PIGU: variants seen among roughly 807,000 people sequenced by gnomAD.
The protein encoded by PIGU is GPI-anchor transamidase component PIGU.
Under a neutral mutation model 49.9 loss-of-function variants are expected in PIGU, and 24 were observed. The ratio of observed to expected loss-of-function variants is 0.48; its 90% CI spans 0.35 to 0.68. The LOEUF is 0.68. Among genes scored for constraint, PIGU ranks in the 30% least tolerant of loss-of-function variants. The pLI is 0.01. For missense variants in PIGU, 490 were observed against 532.6 expected (o/e 0.92, Z 0.79); for synonymous variants, 220 against 205.7 (o/e 1.07, Z -0.59).
At chr20:34,575,929 A>AGGCT (rs1983213005) in intron 10 of PIGU, among the ~76,000 whole-genome samples, 1 of 152,224 alleles carries the variant, frequency 6.6e-6, no homozygotes. Flanking sequence ...AGAGGCAGAC[A>AGGCT]GGCTGGCTGG....
At chr20:34,616,806 C>A (rs969844176) in intron 6 of PIGU, among the ~76,000 whole-genome samples, 2 of 151,870 alleles carry the variant, frequency 1.3e-5, no homozygotes, top group Admixed American at 6.6e-5. Flanking sequence ...AAAAAATGCA[C>A]AAACATTTTT....
At chr20:34,625,779 G>A (rs1323150335) in intron 6 of PIGU, among the ~76,000 whole-genome samples, 3 of 150,808 alleles carry the variant, frequency 2.0e-5, no homozygotes, top group Admixed American at 2.0e-4. Context: ...GCATGGTGGT[G>A]CATGCCTGTC....
chr20:34,616,003 T>C (rs1389476715), intron 7 of PIGU, 39 bp downstream of exon 7: 2 of 1,578,334 alleles, frequency 1.3e-6, no homozygotes, highest in South Asian at 1.2e-5. Context: ...ATGTATTAAA[T>C]GTCACTTGGG....
intron 7 of PIGU, among the ~76,000 whole-genome samples, chr20:34,595,223 G>C (rs1228766316): frequency 2.6e-5 from 4 of 151,968 alleles, no homozygotes; most frequent in Non-Finnish European, 5.9e-5. Context: ...CCATATCCAT[G>C]GGTTCCACAT....
At chr20:34,567,147 G>A (rs556545589) in intron 11 of PIGU, among the ~76,000 whole-genome samples, 1 of 152,344 alleles carries the variant, frequency 6.6e-6, no homozygotes, top group East Asian at 1.9e-4. Context: ...CGTCACAGTT[G>A]GCAAAGTGCA....
At chr20:34,609,009 G>T (rs1984715657) in intron 7 of PIGU, among the ~76,000 whole-genome samples, 1 of 152,162 alleles carries the variant, frequency 6.6e-6, no homozygotes, top group African/African-American at 2.4e-5. Flanking sequence ...TAGGCTGGTT[G>T]TGGTGGCTCA....
intron 7 of PIGU, among the ~76,000 whole-genome samples, chr20:34,612,378 G>A (rs1984848178): frequency 6.6e-6 from 1 of 152,072 alleles, no homozygotes; most frequent in South Asian, 2.1e-4. Context: ...AGGTGTGGGA[G>A]AGCGTTAGGA....
chr20:34,573,507 A>C (rs1983098125), intron 11 of PIGU, among the ~76,000 whole-genome samples: 1 of 152,342 alleles, frequency 6.6e-6, no homozygotes, highest in Non-Finnish European at 1.5e-5. Context: ...TAATCACTGC[A>C]ACTGTATTTC....
intron 2 of PIGU, among the ~76,000 whole-genome samples, chr20:34,649,113 C>T (rs547922308): frequency 4.6e-5 from 7 of 152,228 alleles, no homozygotes; most frequent in East Asian, 3.9e-4. Flanking sequence ...GTGATCCGCC[C>T]GCCTTGGCCT....
At chr20:34,636,269 G>A (rs999738249) in intron 5 of PIGU, among the ~76,000 whole-genome samples, 6 of 150,474 alleles carry the variant, frequency 4.0e-5, no homozygotes, top group Non-Finnish European at 7.4e-5. Flanking sequence ...TCGGCCAGGA[G>A]CAATAACTCA....
chr20:34,675,267 AAAGAGAG>A (rs1272198159), intron 1 of PIGU, among the ~76,000 whole-genome samples: 2 of 125,894 alleles, frequency 1.6e-5, no homozygotes, highest in African/African-American at 2.8e-5. Flanking sequence ...AAAAAAAAAA[AAAGAGAG>A]AGAGAGAAAA....
At chr20:34,659,119 G>C (rs1263689675) in intron 1 of PIGU, among the ~76,000 whole-genome samples, 3 of 139,496 alleles carry the variant, frequency 2.2e-5, no homozygotes, top group African/African-American at 8.0e-5. Context: ...CGTCCGGGAG[G>C]TGAGGGGCGC....
rs922546544 is a variant in PIGU, at chr20:34,645,318, T to C, written c.212A>G (p.Tyr71Cys). Residue 71 changes from tyrosine to cysteine, a missense_variant, in exon 3 of 12, where the codon TAC becomes TGC. Physicochemically the swap from Tyr to Cys is radical, Grantham distance 194 (BLOSUM62 -2). Transcript: ENST00000217446. The stretch of plus-strand genomic sequence containing the variant: ...ATAGTCAATTAGGAAATGAAAGAGG[T>C]ATATTATTAATGGAGTCTGCAGAAA... Reference protein sequence around the residue: ...AVFHETPLIIYLFHFLIDYAE... With the variant: ...AVFHETPLIICLFHFLIDYAE... The C allele has an allele frequency of 1.3e-6, 2 of 1,573,078 alleles. No homozygotes were observed. Among genetic ancestry groups the C allele is most frequent in the Non-Finnish European group, 1.7e-6 (2 of 1,166,504 alleles).
At chr20:34,634,538 C>T in intron 6 of PIGU, 77 bp downstream of exon 6, 2 of 1,379,046 alleles carry the variant, frequency 1.5e-6, no homozygotes. Flanking sequence ...AAAAACAAAA[C>T]AAAACCACAG....
Position 34,588,436 on chromosome 20 carries a change from AC to A in PIGU, c.782+16del. 6.2e-7 allele frequency: 1 copy of A among 1,606,210 alleles called. No homozygotes were observed. The highest frequency in any genetic ancestry group is 8.5e-7 in the Non-Finnish European group (1 of 1,176,046). ...TCCCCACAGCTTCTAGAATTTTCTA[AC>A]GTGGTCATTACTTACATAAAGCCAT... On this transcript the variant is annotated intron_variant, in intron 8 of 11. Coordinates refer to ENST00000217446, the MANE Select transcript of PIGU (RefSeq NM_080476.5).
At chr20:34,579,247 C>T (rs1983361286) in intron 10 of PIGU, 1 of 152,234 alleles carries the variant, frequency 6.6e-6, no homozygotes, top group African/African-American at 2.4e-5. Flanking sequence ...GCTCCTTCTG[C>T]TGTACCATGC....
intron 1 of PIGU, among the ~76,000 whole-genome samples, chr20:34,657,513 C>T (rs1328671319): frequency 6.6e-6 from 1 of 152,202 alleles, no homozygotes; most frequent in Non-Finnish European, 1.5e-5. Flanking sequence ...CTCTTACCAA[C>T]TCTCAAAAAT....
At chr20:34,606,629 G>A (rs1302111575) in intron 7 of PIGU, among the ~76,000 whole-genome samples, 1 of 152,204 alleles carries the variant, frequency 6.6e-6, no homozygotes, top group African/African-American at 2.4e-5. Flanking sequence ...ATAGTTCAGA[G>A]TTGATAACGT....
chr20:34,667,594 G>C (rs1488806549), intron 1 of PIGU, among the ~76,000 whole-genome samples: 10 of 152,138 alleles, frequency 6.6e-5, no homozygotes, highest in African/African-American at 2.2e-4. Flanking sequence ...ACAGAGTCCA[G>C]AGTATAAAAT....
Sources: gnomAD v4.1 joint callset for allele counts (sites outside exome capture counted in the v4.1 genomes callset) on GRCh38, gnomAD v4.1.1 for gene constraint, MANE v1.5 for transcripts, NCBI Gene and HGNC (gene_info 2026-07-23, HGNC 2026-07-21) for gene names.